The following LIN7A variants were observed in gnomAD, a reference collection of about 807,000 sequenced individuals.
The protein encoded by LIN7A is lin-7 cell polarity scaffold A, also known as protein lin-7 homolog A.
LIN7A carries 25 observed loss-of-function variants against 29.8 expected under a neutral mutation model. That is an observed-to-expected ratio of 0.84 (90% CI 0.61 to 1.17). The LOEUF is 1.17. LIN7A is among the 50% of genes most tolerant of loss of function. The pLI, the probability that LIN7A is intolerant of heterozygous loss-of-function variation, is 0.00. For missense variants in LIN7A, 239 were observed against 287.0 expected, an observed-to-expected ratio of 0.83 and a Z score of 1.21; for synonymous variants, 118 against 107.5, an observed-to-expected ratio of 1.10 and a Z score of -0.60.
intron 4 of LIN7A, among the ~76,000 whole-genome samples, chr12:80,819,809 C>T (rs1012536911): frequency 2.0e-5 from 3 of 152,172 alleles, no homozygotes; most frequent in African/African-American, 4.8e-5. Context: ...ATTTACAAAG[C>T]GTCCAACAAA....
At chr12:80,845,709 C>G (rs200552580) in intron 4 of LIN7A, 21 bp downstream of exon 4, 54 of 1,586,266 alleles carry the variant, frequency 3.4e-5, no homozygotes, top group Non-Finnish European at 4.5e-5. Flanking sequence ...GAGAAAATCT[C>G]TGGTTATTTT....
intron 2 of LIN7A, among the ~76,000 whole-genome samples, chr12:80,855,085 A>G (rs1035492605): frequency 1.3e-5 from 2 of 152,108 alleles, no homozygotes; most frequent in African/African-American, 2.4e-5. Context: ...CAATAGAATT[A>G]CAATTAGCAT....
At chr12:80,815,121 G>A (rs1336477877) in intron 4 of LIN7A, among the ~76,000 whole-genome samples, 3 of 151,948 alleles carry the variant, frequency 2.0e-5, no homozygotes, top group Non-Finnish European at 4.4e-5. Flanking sequence ...TATTTTTGTG[G>A]CCTTTTTTTC....
chr12:80,934,101 T>A (rs925947375), intron 1 of LIN7A, among the ~76,000 whole-genome samples: 2 of 152,186 alleles, frequency 1.3e-5, no homozygotes, highest in African/African-American at 4.8e-5. Flanking sequence ...AACTTTTGTT[T>A]CTGGTATTCC....
intron 1 of LIN7A, among the ~76,000 whole-genome samples, chr12:80,921,851 C>T (rs1877326201): frequency 6.6e-6 from 1 of 152,176 alleles, no homozygotes; most frequent in Non-Finnish European, 1.5e-5. Flanking sequence ...TGCCTGGTCA[C>T]AGAATATTTC....
chr12:80,936,068 A>C (rs1878200294), intron 1 of LIN7A, among the ~76,000 whole-genome samples: 1 of 152,218 alleles, frequency 6.6e-6, no homozygotes, highest in Admixed American at 6.5e-5. Flanking sequence ...AGAGCTCATT[A>C]CATTAAAACA....
chr12:80,921,907 G>A (rs1224630978), intron 1 of LIN7A, among the ~76,000 whole-genome samples: 2 of 152,184 alleles, frequency 1.3e-5, no homozygotes, highest in African/African-American at 4.8e-5. Flanking sequence ...AAGTAGGATA[G>A]GTCTGAGAAG....
rs558060612 is a variant in LIN7A, at chr12:80,813,790, C to A, written c.484-2107G>T. On this transcript the variant is annotated intron_variant, in intron 4 of 5. Transcript: ENST00000552864. ...CTGGCTCCTGCCCCTCTGAGCGGAT[C>A]ACCAGGGCAGATGACAGAACCCTTA... 2.0e-5 allele frequency among the ~76,000 whole-genome samples: 3 copies of A among 152,240 alleles called. No homozygotes were observed. In the East Asian group the frequency reaches 5.8e-4, roughly 29 times the overall value.
At chr12:80,884,424 T>C (rs1454774923) in intron 2 of LIN7A, among the ~76,000 whole-genome samples, 1 of 152,184 alleles carries the variant, frequency 6.6e-6, no homozygotes, top group Non-Finnish European at 1.5e-5. Context: ...ATCTAGAGTC[T>C]CTATTTTTTA....
intron 4 of LIN7A, among the ~76,000 whole-genome samples, chr12:80,827,260 G>T (rs1418118565): frequency 1.3e-5 from 2 of 152,032 alleles, no homozygotes; most frequent in Non-Finnish European, 2.9e-5. Context: ...GGTGGTGGGT[G>T]CCTGTAGTCC....
intron 1 of LIN7A, among the ~76,000 whole-genome samples, chr12:80,928,174 G>A (rs1224859799): frequency 1.3e-5 from 2 of 152,088 alleles, no homozygotes; most frequent in Non-Finnish European, 2.9e-5. Context: ...ACATACATGT[G>A]CATGTGTCTT....
At chr12:80,891,413 T>G in intron 1 of LIN7A, among the ~76,000 whole-genome samples, 1 of 152,202 alleles carries the variant, frequency 6.6e-6, no homozygotes, top group East Asian at 1.9e-4. Flanking sequence ...CACCTCCTCC[T>G]GTCCATCCTA....
At position 80,793,345 on chromosome 12, in the gene LIN7A, G is replaced by A. The variant is rs1279041291; in HGVS notation, c.*4382C>T. On this transcript the variant is annotated 3_prime_UTR_variant, in exon 6 of 6. Coordinates refer to ENST00000552864, the MANE Select transcript of LIN7A (RefSeq NM_004664.4). ...TTACCTACCTCACTGGGGTATAACCGTGGTTTATAGATAAACTAAGCAGCA... is the reference window on the plus strand; with the variant it reads ...TTACCTACCTCACTGGGGTATAACCATGGTTTATAGATAAACTAAGCAGCA... 1.3e-5 allele frequency: 2 copies of A among 152,148 alleles called. No homozygotes were observed. The highest frequency in any genetic ancestry group is 1.5e-5 in the Non-Finnish European group (1 of 68,024). The allele number at this position is 152,148 out of a possible 1,614,324, so 9.4% of individuals were successfully genotyped here. A position where few individuals can be genotyped will look rare whatever the true frequency, so the allele number is the denominator to read the frequency against.
At chr12:80,856,621 A>G (rs1004747098) in intron 2 of LIN7A, among the ~76,000 whole-genome samples, 8 of 152,126 alleles carry the variant, frequency 5.3e-5, no homozygotes, top group Non-Finnish European at 1.0e-4. Flanking sequence ...TTTCATTGGT[A>G]TTTTAAACCA....
At chr12:80,807,621 G>A (rs1332872187) in intron 5 of LIN7A, among the ~76,000 whole-genome samples, 1 of 152,170 alleles carries the variant, frequency 6.6e-6, no homozygotes, top group Non-Finnish European at 1.5e-5. Flanking sequence ...TCAAGGATGA[G>A]AGAAAAATGA....
At chr12:80,862,344 C>A (rs549566259) in intron 2 of LIN7A, among the ~76,000 whole-genome samples, 1 of 152,288 alleles carries the variant, frequency 6.6e-6, no homozygotes, top group Non-Finnish European at 1.5e-5. Context: ...AGGACTATCA[C>A]TGATTCTTTT....
chr12:80,909,044 AACTC>A (rs1219342139), intron 1 of LIN7A, among the ~76,000 whole-genome samples: 1 of 152,140 alleles, frequency 6.6e-6, no homozygotes, highest in Admixed American at 6.5e-5. Context: ...GTTTTGGACT[AACTC>A]AACGCCTCAA....
chr12:80,828,136 T>C (rs1313345523), intron 4 of LIN7A, among the ~76,000 whole-genome samples: 1 of 152,196 alleles, frequency 6.6e-6, no homozygotes, highest in Non-Finnish European at 1.5e-5. Context: ...AACATAGAAG[T>C]ATAAATTGAT....
intron 4 of LIN7A, among the ~76,000 whole-genome samples, chr12:80,812,057 A>G (rs564005850): frequency 1.3e-5 from 2 of 152,308 alleles, no homozygotes; most frequent in East Asian, 3.9e-4. Flanking sequence ...TCTGTATCAG[A>G]TATTAAAATT....
Sources: gnomAD v4.1 joint callset for allele counts (sites outside exome capture counted in the v4.1 genomes callset) on GRCh38, gnomAD v4.1.1 for gene constraint, MANE v1.5 for transcripts, NCBI Gene and HGNC (gene_info 2026-07-23, HGNC 2026-07-21) for gene names.